CCDC62: variants seen among roughly 807,000 people sequenced by gnomAD.
The protein encoded by CCDC62 is coiled-coil domain-containing protein 62.
Under a neutral mutation model 80.8 loss-of-function variants are expected in CCDC62, and 72 were observed. That is an observed-to-expected ratio of 0.89 (90% CI 0.74 to 1.08). The LOEUF is 1.08. Ranked by LOEUF, CCDC62 falls within the 50% of genes least tolerant of loss-of-function variation. The pLI is 0.00. For synonymous variants in CCDC62, 286 were observed against 296.5 expected (o/e 0.96, Z 0.36); for missense variants, 704 against 809.4 (o/e 0.87, Z 1.58).
rs148126897 is a variant in CCDC62 at position 122,801,410 on chromosome 12, G to A, written c.1264G>A (p.Glu422Lys). Residue 422 changes from glutamate (E) to lysine (K), a missense_variant, in exon 9 of 13, where the codon GAA becomes AAA. Physicochemically the swap from Glu to Lys is moderately conservative, Grantham distance 56. Coordinates refer to ENST00000253079, the MANE Select transcript of CCDC62 (RefSeq NM_201435.5). ...SLGGKTQIEP[E>K]NKITLCKIHT... ...GGGAGGAAAAACCCAGATTGAACCC[G>A]AAAACAAAATTACATTGTGCAAGAT... The A allele has an allele frequency of 2.8e-3, 4,579 of 1,613,722 alleles. 12 individuals are homozygous for A. Among genetic ancestry groups the A allele is most frequent in the Non-Finnish European group, 3.4e-3 (4,050 of 1,179,892 alleles).
At chr12:122,791,956 G>T in intron 5 of CCDC62, 64 bp from the exon 6 acceptor site, 1 of 1,042,250 alleles carries the variant, frequency 9.6e-7, no homozygotes. Context: ...GTTAGGCATA[G>T]TGTGTATATG....
chr12:122,798,973 G>A (rs1332817549), intron 8 of CCDC62, among the ~76,000 whole-genome samples: 5 of 152,010 alleles, frequency 3.3e-5, no homozygotes, highest in Non-Finnish European at 7.4e-5. Context: ...CCAGCTATTC[G>A]GCAGGCTGAG....
At chr12:122,781,541 C>T (rs839353) in intron 3 of CCDC62, among the ~76,000 whole-genome samples, 6,202 of 151,922 alleles carry the variant, frequency 0.041, 459 homozygotes, top group African/African-American at 0.14. Context: ...CAAAATTAGC[C>T]GGGCGTGGTG....
At chr12:122,799,991 T>G in intron 8 of CCDC62, among the ~76,000 whole-genome samples, 1 of 152,012 alleles carries the variant, frequency 6.6e-6, no homozygotes, top group East Asian at 1.9e-4. Context: ...ATACTGGCTC[T>G]TTCTTCTTTT....
chr12:122,801,019 C>A lies in CCDC62; in HGVS notation c.978-105C>A. The A allele has an allele frequency of 6.5e-6, 8 of 1,222,168 alleles. 1 individual carries two copies. The South Asian group carries it at 1.2e-4, about 19-fold the overall frequency. 75.7% of individuals were successfully genotyped at this position (1,222,168 alleles called of 1,614,324 possible). On this transcript the variant is annotated intron_variant, in intron 8 of 12. Transcript: ENST00000253079. ...AATTGGGCTCTGAGGTTCAGACAAA[C>A]GAGTCTCATTGGGATTTAGCTCTAC...
intron 9 of CCDC62, among the ~76,000 whole-genome samples, chr12:122,804,002 CA>C: frequency 6.6e-6 from 1 of 152,182 alleles, no homozygotes; most frequent in East Asian, 1.9e-4. Flanking sequence ...GCCAAGATAT[CA>C]CATGACAAAT....
chr12:122,784,842 C>T (rs2030112126), intron 3 of CCDC62, among the ~76,000 whole-genome samples: 1 of 146,796 alleles, frequency 6.8e-6, no homozygotes, highest in South Asian at 2.2e-4. Context: ...CTCTTTAAAA[C>T]AAAAACAAAA....
At chr12:122,796,010 CA>C (rs1385153478) in intron 6 of CCDC62, among the ~76,000 whole-genome samples, 1 of 152,170 alleles carries the variant, frequency 6.6e-6, no homozygotes, top group Non-Finnish European at 1.5e-5. Flanking sequence ...TGAAAATAGT[CA>C]GACCCAATCC....
Position 122,812,777 on chromosome 12 carries a change from G to GAGAAAGAAAGAAAGAAAGAA in CCDC62, c.1852-459_1852-440dup, listed in dbSNP as rs71440217. 1.1e-3 allele frequency among the ~76,000 whole-genome samples: 62 copies of GAGAAAGAAAGAAAGAAAGAA among 57,762 alleles called. 1 individual carries two copies. Among genetic ancestry groups the GAGAAAGAAAGAAAGAAAGAA allele is most frequent in the South Asian group, 1.8e-3 (3 of 1,626 alleles). The allele number at this position is 57,762 out of a possible 152,430, so 37.9% of individuals were successfully genotyped here. On this transcript the variant is annotated intron_variant, in intron 10 of 12. Coordinates refer to ENST00000253079, the MANE Select transcript of CCDC62 (RefSeq NM_201435.5). ...GGAGGGAGAGAGAGAGAGAGAGAGA[G>GAGAAAGAAAGAAAGAAAGAA]AGAAAGAAAGAAAGAAAGAAAGAAA...
chr12:122,777,430 C>G, intron 1 of CCDC62, 61 bp from the exon 2 acceptor site: 1 of 1,441,440 alleles, frequency 6.9e-7, no homozygotes. Context: ...GGAAAATGGA[C>G]TTTGGCTGAT....
chr12:122,781,405 A>G (rs1798563), intron 3 of CCDC62, 75 bp downstream of exon 3: 1,366,324 of 1,476,352 alleles, frequency 0.93, 634,174 homozygotes, highest in East Asian at 0.99. Context: ...ATTAGATTTG[A>G]CCGGGCACGG....
intron 12 of CCDC62, among the ~76,000 whole-genome samples, chr12:122,825,322 C>T (rs928886113): frequency 4.0e-4 from 55 of 136,298 alleles, no homozygotes. Flanking sequence ...ATTACAGGTG[C>T]GCATCACCAC....
chr12:122,816,538 C>A (rs2032171233), intron 11 of CCDC62, among the ~76,000 whole-genome samples: 1 of 152,074 alleles, frequency 6.6e-6, no homozygotes, highest in Admixed American at 6.6e-5. Context: ...CCACTCTGGG[C>A]AACATTGAAA....
chr12:122,789,303 G>A (rs564902838), intron 5 of CCDC62, among the ~76,000 whole-genome samples: 1 of 152,300 alleles, frequency 6.6e-6, no homozygotes, highest in South Asian at 2.1e-4. Flanking sequence ...CTGTGGTTGG[G>A]CCTCACTGAG....
In CCDC62 at chr12:122,823,467, A is replaced by G; in HGVS notation, c.*40+8A>G. 1 of 1,317,798 alleles carries G rather than the reference A, an allele frequency of 7.6e-7. No individual in the cohort carries two copies. The highest frequency in any genetic ancestry group is 2.3e-5 in the East Asian group (1 of 43,508). The allele number at this position is 1,317,798 out of a possible 1,614,324, so 81.6% of individuals were successfully genotyped here. Reference sequence around the variant, plus strand: ...TATTCATCGTGATCACGAGTAAGTCACCTTTGCTTATCTCACCTTATATCT... The same window carrying G: ...TATTCATCGTGATCACGAGTAAGTCGCCTTTGCTTATCTCACCTTATATCT... On this transcript the variant is annotated splice_region_variant and intron_variant, in intron 12 of 12. Transcript: ENST00000253079.
chr12:122,782,659 T>G (rs1442962414), intron 3 of CCDC62, among the ~76,000 whole-genome samples: 1 of 152,002 alleles, frequency 6.6e-6, no homozygotes, highest in Non-Finnish European at 1.5e-5. Context: ...AGTTTCTCCA[T>G]GTTGGCCAGG....
chr12:122,785,960 A>T, intron 4 of CCDC62, 140 bp downstream of exon 4: 1 of 620,834 alleles, frequency 1.6e-6, no homozygotes, highest in Non-Finnish European at 2.9e-6. Flanking sequence ...CCCATTTAGA[A>T]ATGAGGGAAA....
At chr12:122,802,871 AT>A (rs947769660) in intron 9 of CCDC62, among the ~76,000 whole-genome samples, 5 of 151,884 alleles carry the variant, frequency 3.3e-5, no homozygotes, top group Admixed American at 6.6e-5. Flanking sequence ...TACAAAAAAA[AT>A]TTTTTAATTT....
At chr12:122,815,614 T>G (rs916853690) in intron 11 of CCDC62, among the ~76,000 whole-genome samples, 2 of 151,978 alleles carry the variant, frequency 1.3e-5, no homozygotes, top group Admixed American at 6.6e-5. Flanking sequence ...ACCCGGCTAA[T>G]TTTTTGCATT....
Sources: allele counts gnomAD v4.1 joint callset (sites outside exome capture counted in the v4.1 genomes callset), GRCh38; gene constraint gnomAD v4.1.1; transcripts MANE v1.5; gene names NCBI Gene and HGNC (gene_info 2026-07-23, HGNC 2026-07-21).